CCSER1: variants seen among roughly 807,000 people sequenced by gnomAD.
CCSER1 encodes the protein coiled-coil serine rich protein 1.
Under a neutral mutation model 82.0 loss-of-function variants are expected in CCSER1, and 41 were observed. The ratio of observed to expected loss-of-function variants is 0.50; its 90% confidence interval spans 0.39 to 0.65. CCSER1 has a LOEUF of 0.65. Ranked by LOEUF, CCSER1 falls within the 30% of genes least tolerant of loss-of-function variation. CCSER1 has a pLI of 0.00. For synonymous variants in CCSER1, 414 were observed against 383.9 expected, an observed-to-expected ratio of 1.08 and a Z score of -0.92; for missense variants, 1,119 against 1,064.2, an observed-to-expected ratio of 1.05 and a Z score of -0.72.
At chr4:91,418,048 A>G (rs956811544) in intron 10 of CCSER1, among the ~76,000 whole-genome samples, 1 of 152,104 alleles carries the variant, frequency 6.6e-6, no homozygotes, top group African/African-American at 2.4e-5. Context: ...ATATTGAAAC[A>G]TAACTTACCA....
chr4:90,730,137 C>T (rs977875274), intron 7 of CCSER1, among the ~76,000 whole-genome samples: 1 of 152,040 alleles, frequency 6.6e-6, no homozygotes, highest in South Asian at 2.1e-4. Context: ...TGAGTAGTTT[C>T]GATTTATTTC....
At chr4:90,229,790 T>G (rs1284393466) in intron 1 of CCSER1, among the ~76,000 whole-genome samples, 2 of 151,444 alleles carry the variant, frequency 1.3e-5, no homozygotes, top group African/African-American at 4.9e-5. Flanking sequence ...ACGAAGCAAA[T>G]GGAAAACAAA....
At chr4:90,251,485 G>A (rs1421036387) in intron 1 of CCSER1, among the ~76,000 whole-genome samples, 1 of 151,758 alleles carries the variant, frequency 6.6e-6, no homozygotes, top group African/African-American at 2.4e-5. Context: ...ACAGAAACAT[G>A]TGCTTTTTGT....
At chr4:90,163,160 A>G (rs1047926346) in intron 1 of CCSER1, among the ~76,000 whole-genome samples, 2 of 152,102 alleles carry the variant, frequency 1.3e-5, no homozygotes, top group African/African-American at 4.8e-5. Flanking sequence ...TCTTATACAT[A>G]TATGTTTATG....
chr4:91,319,721 A>G (rs1213425815), intron 10 of CCSER1: 2 of 455,662 alleles, frequency 4.4e-6, no homozygotes, highest in East Asian at 1.4e-4. Flanking sequence ...TCAGGTTTCT[A>G]TAGCACTGGG....
At chr4:91,327,801 A>G (rs957683421) in intron 10 of CCSER1, among the ~76,000 whole-genome samples, 1 of 152,170 alleles carries the variant, frequency 6.6e-6, no homozygotes, top group Non-Finnish European at 1.5e-5. Flanking sequence ...CAAATCTTAC[A>G]TGCTTTTGCT....
chr4:91,542,365 T>G (rs1761649169), intron 10 of CCSER1, among the ~76,000 whole-genome samples: 1 of 152,190 alleles, frequency 6.6e-6, no homozygotes, highest in Non-Finnish European at 1.5e-5. Context: ...GTTTTAGGTC[T>G]AATATTGAAG....
At chr4:90,337,598 A>G (rs1740651616) in intron 3 of CCSER1, among the ~76,000 whole-genome samples, 2 of 146,754 alleles carry the variant, frequency 1.4e-5, no homozygotes, top group East Asian at 4.1e-4. Context: ...ACTAATAAAT[A>G]TGCTAATGTA....
At chr4:91,376,755 AG>A (rs1750441478) in intron 10 of CCSER1, among the ~76,000 whole-genome samples, 1 of 151,810 alleles carries the variant, frequency 6.6e-6, no homozygotes, top group African/African-American at 2.4e-5. Flanking sequence ...GTAAACGTTT[AG>A]GGTAGTTTTT....
intron 10 of CCSER1, among the ~76,000 whole-genome samples, chr4:91,107,703 G>A (rs1047886902): frequency 6.8e-6 from 1 of 146,238 alleles, no homozygotes; most frequent in East Asian, 2.0e-4. Context: ...GCACCATTTA[G>A]CCTATCTTTT....
rs531673583 is a variant in CCSER1, at chr4:90,771,578, A to G, written c.2011-44184A>G. ...AATGCCGGGCACTAAAAAAAAAAAAAAAAAGAAAAGAAAAAAATGCATATT... is the reference window on the plus strand; with the variant it reads ...AATGCCGGGCACTAAAAAAAAAAAAGAAAAGAAAAGAAAAAAATGCATATT... On this transcript the variant is annotated intron_variant, in intron 7 of 10. Transcript: ENST00000509176. Among the ~76,000 whole-genome samples, 283 of 151,014 alleles carry G rather than the reference A, an allele frequency of 1.9e-3. 2 individuals carry two copies. Among genetic ancestry groups the G allele is most frequent in the Middle Eastern group, 6.8e-3 (2 of 292 alleles).
chr4:90,481,543 C>A (rs1765964902), intron 5 of CCSER1, among the ~76,000 whole-genome samples: 1 of 152,154 alleles, frequency 6.6e-6, no homozygotes. Context: ...AGATATGTCC[C>A]ATCAATACTT....
At chr4:91,523,539 C>A (rs761692495) in intron 10 of CCSER1, among the ~76,000 whole-genome samples, 1 of 152,118 alleles carries the variant, frequency 6.6e-6, no homozygotes, top group Non-Finnish European at 1.5e-5. Context: ...TTAATTATTG[C>A]CTCGATTTCA....
At chr4:91,319,147 A>G (rs1167969650) in intron 10 of CCSER1, 1 of 236,770 alleles carries the variant, frequency 4.2e-6, no homozygotes. Flanking sequence ...AAGGGAAAAA[A>G]ATAAAATTAG....
chr4:90,930,452 A>G (rs1729595836), intron 9 of CCSER1, among the ~76,000 whole-genome samples: 1 of 151,854 alleles, frequency 6.6e-6, no homozygotes, highest in Non-Finnish European at 1.5e-5. Context: ...ATTTAAAAAA[A>G]AAATTAGCCA....
chr4:91,155,017 A>G (rs773137109), intron 10 of CCSER1, among the ~76,000 whole-genome samples: 7 of 131,622 alleles, frequency 5.3e-5, no homozygotes, highest in Non-Finnish European at 1.2e-4. Context: ...TTAAAGTAAC[A>G]TAGGCTTTTC....
chr4:91,276,534 GT>G (rs779857236), intron 10 of CCSER1, among the ~76,000 whole-genome samples: 5 of 151,910 alleles, frequency 3.3e-5, no homozygotes, highest in Non-Finnish European at 7.4e-5. Context: ...AAATCTAAGA[GT>G]TTTTGGTGGA....
At chr4:90,636,246 G>A (rs546279750) in intron 6 of CCSER1, among the ~76,000 whole-genome samples, 1 of 151,826 alleles carries the variant, frequency 6.6e-6, no homozygotes, top group African/African-American at 2.4e-5. Flanking sequence ...AGTGACATAA[G>A]AAATTGCAAA....
chr4:91,581,031 A>G (rs1473040750), intron 10 of CCSER1, among the ~76,000 whole-genome samples: 1 of 151,688 alleles, frequency 6.6e-6, no homozygotes, highest in African/African-American at 2.4e-5. Context: ...TTCACTACCT[A>G]AAATTATTTT....
Sources: allele counts gnomAD v4.1 joint callset (sites outside exome capture counted in the v4.1 genomes callset), GRCh38; gene constraint gnomAD v4.1.1; transcripts MANE v1.5; gene names NCBI Gene and HGNC (gene_info 2026-07-23, HGNC 2026-07-21).